ECPAS: variants seen among roughly 807,000 people sequenced by gnomAD.
The protein encoded by ECPAS is proteasome adapter and scaffold protein ECM29.
ECPAS carries 70 observed loss-of-function variants against 255.1 expected under a neutral mutation model. The ratio of observed to expected loss-of-function variants is 0.27; its 90% CI spans 0.23 to 0.33. The LOEUF is 0.33. ECPAS is among the 10% of genes least tolerant of loss of function. ECPAS has a pLI of 1.00. For synonymous variants in ECPAS, 784 were observed against 775.0 expected (o/e 1.01, Z -0.19); for missense variants, 1,817 against 2,206.4 (o/e 0.82, Z 3.54).
chr9:111,451,220 G>A (rs977346255), intron 3 of ECPAS, among the ~76,000 whole-genome samples: 1 of 152,112 alleles, frequency 6.6e-6, no homozygotes, highest in African/African-American at 2.4e-5. Flanking sequence ...ATGCCAAGTA[G>A]ACAGTTGGTG....
intron 24 of ECPAS, among the ~76,000 whole-genome samples, chr9:111,407,129 C>A (rs1269065530): frequency 2.0e-5 from 3 of 146,370 alleles, no homozygotes; most frequent in African/African-American, 5.3e-5. Flanking sequence ...AGGCTGGGTG[C>A]AGTGGTTCAC....
chr9:111,374,158 C>T lies in ECPAS; in HGVS notation c.4111-120G>A, dbSNP rs141351840. The T allele has an allele frequency of 1.1e-3, 721 of 672,476 alleles. 3 individuals are homozygous for T. The African/African-American group carries it at 0.012, about 11-fold the overall frequency. 41.7% of individuals were successfully genotyped at this position (672,476 alleles called of 1,614,324 possible). A position where few individuals can be genotyped will look rare whatever the true frequency, so the allele number is the denominator to read the frequency against. ...AATACATGAAGCCTAATACCCCCTCCAGGACTCAATATAGAAAAAGGCAAA... is the reference window on the plus strand; with the variant it reads ...AATACATGAAGCCTAATACCCCCTCTAGGACTCAATATAGAAAAAGGCAAA... On this transcript the variant is annotated intron_variant, in intron 38 of 49. Transcript: ENST00000684092.
intron 33 of ECPAS, 126 bp from the exon 34 acceptor site, chr9:111,384,695 T>C: frequency 1.2e-6 from 1 of 806,082 alleles, no homozygotes; most frequent in Non-Finnish European, 2.0e-6. Flanking sequence ...TTTCATATCA[T>C]GTTAAAAAAA....
intron 49 of ECPAS, among the ~76,000 whole-genome samples, chr9:111,362,782 T>C (rs1042435954): frequency 5.9e-5 from 9 of 152,170 alleles, no homozygotes; most frequent in Non-Finnish European, 8.8e-5. Flanking sequence ...ATCTGGACTA[T>C]ATTAGTACAT....
intron 1 of ECPAS, among the ~76,000 whole-genome samples, chr9:111,478,920 G>T (rs1047504916): frequency 1.3e-5 from 2 of 152,194 alleles, no homozygotes; most frequent in Non-Finnish European, 2.9e-5. Flanking sequence ...ACAGTCAAAT[G>T]GTTGGATTAA....
chr9:111,375,276 C>A, intron 37 of ECPAS, 74 bp from the exon 38 acceptor site: 1 of 1,059,778 alleles, frequency 9.4e-7, no homozygotes, highest in South Asian at 1.3e-5. Context: ...TAAAAACTGC[C>A]CTTGTCAAAC....
intron 24 of ECPAS, among the ~76,000 whole-genome samples, chr9:111,406,138 G>A (rs1268649180): frequency 2.7e-5 from 4 of 149,624 alleles, no homozygotes; most frequent in Non-Finnish European, 5.9e-5. Flanking sequence ...AGCAACAGAT[G>A]AATGGATTTT....
At chr9:111,395,008 G>A (rs374226281) in intron 25 of ECPAS, among the ~76,000 whole-genome samples, 6 of 152,002 alleles carry the variant, frequency 3.9e-5, no homozygotes, top group African/African-American at 7.2e-5. Context: ...TAGAAATCAC[G>A]AATGACTTTC....
At chr9:111,449,654 T>C (rs2098257706) in intron 3 of ECPAS, among the ~76,000 whole-genome samples, 1 of 152,148 alleles carries the variant, frequency 6.6e-6, no homozygotes, top group African/African-American at 2.4e-5. Flanking sequence ...TAAAAACTAC[T>C]GACGATACTA....
chr9:111,482,663 G>A (rs1228474802), intron 1 of ECPAS, among the ~76,000 whole-genome samples: 3 of 151,730 alleles, frequency 2.0e-5, no homozygotes, highest in African/African-American at 4.8e-5. Context: ...AAAAAAAAAA[G>A]GGAAAGAAAG....
chr9:111,482,123 A>T (rs1205124324), intron 1 of ECPAS, among the ~76,000 whole-genome samples: 4 of 152,196 alleles, frequency 2.6e-5, no homozygotes, highest in African/African-American at 9.7e-5. Flanking sequence ...CTTTTCTTCC[A>T]ATTAAAACAA....
chr9:111,423,155 T>C, intron 13 of ECPAS, 44 bp downstream of exon 13: 1 of 1,362,722 alleles, frequency 7.3e-7, no homozygotes, highest in Non-Finnish European at 1.0e-6. Context: ...AATTTTTCTC[T>C]GTTTACCAAC....
chr9:111,425,331 A>T, intron 12 of ECPAS, 87 bp downstream of exon 12: 1 of 825,496 alleles, frequency 1.2e-6, no homozygotes. Flanking sequence ...ACAAACTTTT[A>T]ACTAACTACA....
intron 7 of ECPAS, among the ~76,000 whole-genome samples, chr9:111,435,613 A>G (rs920977121): frequency 2.0e-5 from 3 of 151,948 alleles, no homozygotes; most frequent in African/African-American, 7.2e-5. Context: ...GAGATATTGT[A>G]TTCAAAGTAC....
In ECPAS at chr9:111,405,658, T is replaced by G. The variant is rs1354104893; in HGVS notation, c.2652+2913A>C. Among the ~76,000 whole-genome samples, 2 of 149,934 alleles carry G rather than the reference T, an allele frequency of 1.3e-5. 1 individual carries two copies. Among genetic ancestry groups the G allele is most frequent in the East Asian group, 4.0e-4 (2 of 5,000 alleles). The stretch of plus-strand genomic sequence containing the variant: ...GCAAATTATCCATCTGACAAGAGAT[T>G]AAAATACACAATAAGTAAGGAATTC... On this transcript the variant is annotated intron_variant, in intron 24 of 49. Coordinates refer to ENST00000684092, the MANE Select transcript of ECPAS (RefSeq NM_001364929.1).
Position 111,385,394 on chromosome 9 carries a change from G to C in ECPAS, c.3576C>G (p.Ile1192Met). 6.3e-7 allele frequency: 1 copy of C among 1,582,914 alleles called. No homozygotes were observed. Among genetic ancestry groups the C allele is most frequent in the Non-Finnish European group, 8.6e-7 (1 of 1,162,018 alleles). Residue 1192 changes from isoleucine (I) to methionine (M), a missense_variant, in exon 33 of 50, where the codon ATC becomes ATG. Physicochemically the swap from Ile to Met is conservative, Grantham distance 10. Coordinates refer to ENST00000684092, the MANE Select transcript of ECPAS (RefSeq NM_001364929.1). ...CCCAAATTTCTGGAAGTTTATCAAT[G>C]ATGTCATCTAAGGGTCTTCCTCTCA... Reference protein sequence around the residue: ...DLLRGRPLDDIIDKLPEIWET... With the variant: ...DLLRGRPLDDMIDKLPEIWET...
chr9:111,478,390 A>C (rs1408079370), intron 1 of ECPAS, among the ~76,000 whole-genome samples: 2 of 151,904 alleles, frequency 1.3e-5, no homozygotes, highest in African/African-American at 4.8e-5. Context: ...AGTCAGGCGC[A>C]GTGTCGCACA....
At chr9:111,420,205 G>T in intron 15 of ECPAS, 85 bp from the exon 16 acceptor site, 1 of 839,710 alleles carries the variant, frequency 1.2e-6, no homozygotes, top group Non-Finnish European at 2.0e-6. Context: ...TTCCAATCAA[G>T]ATGAGTCTTC....
At chr9:111,368,951 C>A in intron 46 of ECPAS, 84 bp downstream of exon 46, 1 of 1,287,434 alleles carries the variant, frequency 7.8e-7, no homozygotes, top group Admixed American at 2.8e-5. Context: ...GAAACAATAA[C>A]TATAATTTGT....
Sources: allele counts gnomAD v4.1 joint callset (sites outside exome capture counted in the v4.1 genomes callset), GRCh38; gene constraint gnomAD v4.1.1; transcripts MANE v1.5; gene names NCBI Gene and HGNC (gene_info 2026-07-23, HGNC 2026-07-21).